LHFPL2: variants seen among roughly 807,000 people sequenced by gnomAD.
LHFPL2 encodes the protein LHFPL tetraspan subfamily member 2.
A neutral mutation model predicts 17.5 loss-of-function variants in LHFPL2; 7 were observed. That is an observed-to-expected ratio of 0.40 (90% CI 0.23 to 0.75). The LOEUF (loss-of-function observed/expected upper bound fraction) is 0.75, where lower values mean the gene tolerates loss of function less well. Ranked by LOEUF, LHFPL2 falls within the 30% of genes least tolerant of loss-of-function variation. LHFPL2 has a pLI of 0.37. For synonymous variants in LHFPL2, 134 were observed against 116.2 expected, an observed-to-expected ratio of 1.15 and a Z score of -0.99; for missense variants, 241 against 294.8, an observed-to-expected ratio of 0.82 and a Z score of 1.34.
At chr5:78,525,350 T>C (rs575129089) in intron 3 of LHFPL2, among the ~76,000 whole-genome samples, 1 of 152,378 alleles carries the variant, frequency 6.6e-6, no homozygotes, top group South Asian at 2.1e-4. Flanking sequence ...AATGAGAGAA[T>C]ACATGTAAAG....
At chr5:78,499,246 A>G (rs562272992) in intron 4 of LHFPL2, among the ~76,000 whole-genome samples, 1 of 152,382 alleles carries the variant, frequency 6.6e-6, no homozygotes, top group East Asian at 1.9e-4. Flanking sequence ...AAGTTTGTAA[A>G]GATGATTAGA....
Position 78,488,804 on chromosome 5 carries a change from G to A in LHFPL2, c.*93C>T. The A allele has an allele frequency of 6.2e-6, 9 of 1,456,490 alleles. No homozygotes were observed. Among genetic ancestry groups the A allele is most frequent in the Non-Finnish European group, 8.4e-6 (9 of 1,065,980 alleles). 90.2% of individuals were successfully genotyped at this position (1,456,490 alleles called of 1,614,324 possible). ...GGGCCGTGGAACGTGGCTTTGGTAG[G>A]TAAAGGTTAGTTCTCCACTTGACTC... On this transcript the variant is annotated 3_prime_UTR_variant, in exon 5 of 5. Coordinates refer to ENST00000380345, the MANE Select transcript of LHFPL2 (RefSeq NM_005779.3).
At chr5:78,565,370 G>T (rs955396256) in intron 2 of LHFPL2, among the ~76,000 whole-genome samples, 4 of 152,168 alleles carry the variant, frequency 2.6e-5, no homozygotes, top group African/African-American at 9.7e-5. Context: ...TGGAAAAAGG[G>T]CCATTTTTAG....
At chr5:78,518,970 A>G (rs1323052119) in intron 3 of LHFPL2, among the ~76,000 whole-genome samples, 3 of 152,196 alleles carry the variant, frequency 2.0e-5, no homozygotes, top group South Asian at 2.1e-4. Flanking sequence ...GTTCATTTCT[A>G]TAAGAGATGC....
intron 4 of LHFPL2, among the ~76,000 whole-genome samples, chr5:78,495,168 G>A (rs1358275518): frequency 6.6e-6 from 1 of 152,212 alleles, no homozygotes; most frequent in African/African-American, 2.4e-5. Flanking sequence ...AGGTGACCAT[G>A]TCAGTCTCAC....
intron 3 of LHFPL2, among the ~76,000 whole-genome samples, chr5:78,533,508 T>C (rs1418989555): frequency 1.3e-5 from 2 of 152,162 alleles, no homozygotes; most frequent in East Asian, 1.9e-4. Context: ...AAAAGGTAAG[T>C]ATAAGCACAG....
rs1230505804 is a variant in LHFPL2, at chr5:78,487,514, G to GTGTT, written c.*1379_*1382dup. ...TCTCACTTTCTTAAAGTGCTAAGGA[G>GTGTT]TGTTTCTGTATCATGATACAATTTT... On this transcript the variant is annotated 3_prime_UTR_variant, in exon 5 of 5. Coordinates refer to ENST00000380345, the MANE Select transcript of LHFPL2 (RefSeq NM_005779.3). 3 of 152,226 alleles carry GTGTT rather than the reference G, an allele frequency of 2.0e-5. No individual in the cohort carries two copies. Among genetic ancestry groups the GTGTT allele is most frequent in the Admixed American group, 6.5e-5 (1 of 15,276 alleles). The allele number at this position is 152,226 out of a possible 1,614,324, so 9.4% of individuals were successfully genotyped here.
chr5:78,553,643 C>G (rs1405258325), intron 3 of LHFPL2, among the ~76,000 whole-genome samples: 1 of 152,304 alleles, frequency 6.6e-6, no homozygotes, highest in African/African-American at 2.4e-5. Flanking sequence ...AAACACACAG[C>G]GCAGAAGGAT....
Position 78,641,006 on chromosome 5 carries a change from C to T in LHFPL2, c.-350+7493G>A, listed in dbSNP as rs149610908. Among the ~76,000 whole-genome samples the T allele has an allele frequency of 1.4e-4, 22 of 152,276 alleles. No individual in the cohort carries two copies. In the East Asian group the frequency reaches 4.2e-3, roughly 29 times the overall value. ...ACCTCATCCCTGGTGGACATGAAAA[C>T]AAGAGTTAGTTATCCTAGTACAGAG... On this transcript the variant is annotated intron_variant, in intron 1 of 4. Coordinates refer to ENST00000380345, the MANE Select transcript of LHFPL2 (RefSeq NM_005779.3).
intron 3 of LHFPL2, among the ~76,000 whole-genome samples, chr5:78,511,920 A>C (rs1287298520): frequency 1.3e-5 from 2 of 152,156 alleles, no homozygotes; most frequent in African/African-American, 4.8e-5. Context: ...AAGGGAGTCC[A>C]TCAGGTATGG....
At chr5:78,495,806 G>A (rs1454024739) in intron 4 of LHFPL2, among the ~76,000 whole-genome samples, 3 of 152,224 alleles carry the variant, frequency 2.0e-5, no homozygotes, top group Non-Finnish European at 2.9e-5. Flanking sequence ...CGGAGTGCAT[G>A]CCATATGCTT....
chr5:78,521,121 T>G lies in LHFPL2; in HGVS notation c.-185-10723A>C, dbSNP rs1252075990. On this transcript the variant is annotated intron_variant, in intron 3 of 4. Transcript: ENST00000380345. ...AATTCTAAAGCTGAAAAGCCAGCAC[T>G]ATGGGAGACTCCTTTTTAAGTGACT... 2.0e-5 allele frequency among the ~76,000 whole-genome samples: 3 copies of G among 152,258 alleles called. No homozygotes were observed. The East Asian group carries it at 5.8e-4, about 29-fold the overall frequency.
chr5:78,539,816 CTTT>C (rs11351036), intron 3 of LHFPL2, among the ~76,000 whole-genome samples: 40 of 137,546 alleles, frequency 2.9e-4, no homozygotes, highest in African/African-American at 2.9e-4. Flanking sequence ...AAGACTTTTG[CTTT>C]TTTTTTTTTT....
At chr5:78,596,923 T>G (rs777001521) in intron 2 of LHFPL2, among the ~76,000 whole-genome samples, 2 of 152,214 alleles carry the variant, frequency 1.3e-5, no homozygotes, top group Middle Eastern at 3.2e-3. Flanking sequence ...TGTTGCACAG[T>G]CTATACATTC....
intron 2 of LHFPL2, among the ~76,000 whole-genome samples, chr5:78,569,366 T>G (rs970934427): frequency 6.6e-6 from 1 of 152,194 alleles, no homozygotes; most frequent in Admixed American, 6.5e-5. Flanking sequence ...CAACAAATGC[T>G]CGAGGAAGTC....
intron 2 of LHFPL2, among the ~76,000 whole-genome samples, chr5:78,627,612 T>A (rs147730184): frequency 1.3e-5 from 2 of 152,288 alleles, no homozygotes; most frequent in East Asian, 3.9e-4. Context: ...CAAGGAGACC[T>A]CGGGCAAGTC....
intron 2 of LHFPL2, among the ~76,000 whole-genome samples, chr5:78,598,793 G>A (rs757935046): frequency 1.6e-4 from 24 of 152,114 alleles, no homozygotes; most frequent in Non-Finnish European, 3.4e-4. Flanking sequence ...TCTCAAATGA[G>A]AACAATGACA....
At chr5:78,542,115 C>CTT (rs36078151) in intron 3 of LHFPL2, among the ~76,000 whole-genome samples, 157 of 145,984 alleles carry the variant, frequency 1.1e-3, no homozygotes, top group Middle Eastern at 7.0e-3. Flanking sequence ...TGTCATTAAG[C>CTT]TTTTTTTTTT....
intron 2 of LHFPL2, among the ~76,000 whole-genome samples, chr5:78,628,545 TCTCA>T (rs1467188776): frequency 6.6e-6 from 1 of 152,092 alleles, no homozygotes; most frequent in Admixed American, 6.6e-5. Context: ...AGCAGCCCCT[TCTCA>T]CTCAGAGTAT....
Sources: gnomAD v4.1 joint callset for allele counts (sites outside exome capture counted in the v4.1 genomes callset) on GRCh38, gnomAD v4.1.1 for gene constraint, MANE v1.5 for transcripts, NCBI Gene and HGNC (gene_info 2026-07-23, HGNC 2026-07-21) for gene names.